PANK2: variants seen among roughly 807,000 people sequenced by gnomAD.
PANK2 encodes pantothenate kinase 2, mitochondrial.
Under a neutral mutation model 43.1 loss-of-function variants are expected in PANK2, and 36 were observed. The observed-to-expected ratio is 0.84, with a 90% CI of 0.64 to 1.10. The LOEUF is 1.10. Ranked by LOEUF, PANK2 falls within the 50% of genes least tolerant of loss-of-function variation. The pLI is 0.00. For synonymous variants in PANK2, 281 were observed against 238.2 expected (o/e 1.18, Z -1.66); for missense variants, 576 against 593.3 (o/e 0.97, Z 0.30).
chr20:3,899,719 T>C (rs948663935), intron 1 of PANK2, among the ~76,000 whole-genome samples: 2 of 146,512 alleles, frequency 1.4e-5, no homozygotes, highest in Non-Finnish European at 1.5e-5. Flanking sequence ...TTTTTTTTTT[T>C]TTTTTTGAGA....
chr20:3,912,468 G>A lies in PANK2; in HGVS notation c.916G>A (p.Gly306Arg). The change falls in exon 4 of 7, where the codon GGA becomes AGA. Residue 306 changes from glycine to arginine, a missense_variant. By Grantham distance (125) the Gly-to-Arg change is moderately radical. Around this residue, in one of 2 missense-constraint regions of PANK2, gnomAD observed 544 missense variants for 528.9 expected, o/e 1.03. Coordinates refer to ENST00000610179, the MANE Select transcript of PANK2 (RefSeq NM_001386393.1). ...TGTTTTTAATCATAGTCTTGGAGGAGGAACTTTTTTTGGTCTCTGCTGTCT... is the reference window on the plus strand; with the variant it reads ...TGTTTTTAATCATAGTCTTGGAGGAAGAACTTTTTTTGGTCTCTGCTGTCT... 6.2e-7 allele frequency: 1 copy of A among 1,614,068 alleles called. No homozygotes were observed. The highest frequency in any genetic ancestry group is 8.5e-7 in the Non-Finnish European group (1 of 1,180,012).
intron 4 of PANK2, among the ~76,000 whole-genome samples, chr20:3,914,085 G>C (rs6107373): frequency 1.3e-5 from 2 of 150,824 alleles, no homozygotes; most frequent in Non-Finnish European, 3.0e-5. Context: ...CACTGCGCCT[G>C]GCCTGCACAT....
chr20:3,906,676 C>A (rs908156194), intron 1 of PANK2, among the ~76,000 whole-genome samples: 1 of 151,976 alleles, frequency 6.6e-6, no homozygotes, highest in African/African-American at 2.4e-5. Flanking sequence ...ACAATAAATA[C>A]TTGAAGTAGA....
chr20:3,905,382 G>A (rs1161145726), intron 1 of PANK2, among the ~76,000 whole-genome samples: 2 of 138,222 alleles, frequency 1.4e-5, no homozygotes, highest in African/African-American at 2.8e-5. Flanking sequence ...ACGGAGTCTC[G>A]CTCTGTCACC....
chr20:3,889,859 C>A, intron 1 of PANK2, 131 bp downstream of exon 1: 1 of 1,530,640 alleles, frequency 6.5e-7, no homozygotes, highest in Non-Finnish European at 8.7e-7. Context: ...CTCGTTGGTG[C>A]GTGGCCTGAC....
At chr20:3,890,184 A>T (rs902034661) in intron 1 of PANK2, among the ~76,000 whole-genome samples, 6 of 152,118 alleles carry the variant, frequency 3.9e-5, no homozygotes, top group African/African-American at 1.4e-4. Flanking sequence ...TTACTGGAAA[A>T]TGGTGAACTG....
intron 6 of PANK2, among the ~76,000 whole-genome samples, chr20:3,922,799 A>G (rs556394777): frequency 4.0e-4 from 61 of 150,638 alleles, no homozygotes; most frequent in African/African-American, 1.5e-3. Flanking sequence ...TCGGGCTCTC[A>G]CCCTCTGTGA....
At chr20:3,904,250 C>T (rs144132423) in intron 1 of PANK2, among the ~76,000 whole-genome samples, 243 of 152,018 alleles carry the variant, frequency 1.6e-3, no homozygotes, top group African/African-American at 5.5e-3. Context: ...TTCTTTCCCA[C>T]AATTAGGAAA....
chr20:3,923,102 T>A (rs984033954), intron 6 of PANK2, 142 bp from the exon 7 acceptor site: 2 of 913,798 alleles, frequency 2.2e-6, no homozygotes, highest in Admixed American at 3.4e-5. Flanking sequence ...GCTCCCAGGC[T>A]GGCCTTGGCC....
Position 3,923,317 on chromosome 20 carries a change from T to C in PANK2, c.*23T>C. ...TGATCATTACCTGGGGAGGGGTTCC[T>C]GAAACCTTCCACAATGGGATCTGTG... On this transcript the variant is annotated 3_prime_UTR_variant, in exon 7 of 7. Coordinates refer to ENST00000610179, the MANE Select transcript of PANK2 (RefSeq NM_001386393.1). 1 of 1,612,882 alleles carries C rather than the reference T, an allele frequency of 6.2e-7. No homozygotes were observed. The highest frequency in any genetic ancestry group is 8.5e-7 in the Non-Finnish European group (1 of 1,178,838).
rs1043131691 is a variant in PANK2 at position 3,905,375 on chromosome 20, G to C, written c.299-2551G>C. 1.1e-3 allele frequency among the ~76,000 whole-genome samples: 160 copies of C among 147,984 alleles called. 1 individual carries two copies. Among genetic ancestry groups the C allele is most frequent in the Non-Finnish European group, 1.5e-4 (10 of 67,312 alleles). ...CTTTTTTTTTTTTTTTTTTGAGACG[G>C]AGTCTCGCTCTGTCACCTAGGCTGG... On this transcript the variant is annotated intron_variant, in intron 1 of 6. Transcript: ENST00000610179.
At chr20:3,921,474 A>C (rs2090646091) in intron 6 of PANK2, 1 of 150,024 alleles carries the variant, frequency 6.7e-6, no homozygotes, top group African/African-American at 2.5e-5. Context: ...TCTTCAGTGG[A>C]CCCCCCCCAT....
intron 1 of PANK2, among the ~76,000 whole-genome samples, chr20:3,893,222 G>A (rs905091175): frequency 2.0e-5 from 3 of 152,090 alleles, no homozygotes; most frequent in Admixed American, 1.3e-4. Flanking sequence ...ATGGAGTTGG[G>A]TTTTGATTCC....
At chr20:3,894,873 A>G (rs2090179868) in intron 1 of PANK2, among the ~76,000 whole-genome samples, 5 of 152,218 alleles carry the variant, frequency 3.3e-5, no homozygotes, top group Admixed American at 3.3e-4. Context: ...ACAGTATATT[A>G]CTTTAGGGGC....
chr20:3,907,340 C>G (rs1269560600), intron 1 of PANK2, among the ~76,000 whole-genome samples: 1 of 152,034 alleles, frequency 6.6e-6, no homozygotes, highest in Non-Finnish European at 1.5e-5. Flanking sequence ...CTCAGGTGAT[C>G]CACCCACCTT....
intron 4 of PANK2, 60 bp from the exon 5 acceptor site, chr20:3,916,867 A>AC (rs2090568185): frequency 2.5e-6 from 4 of 1,609,102 alleles, no homozygotes; most frequent in Non-Finnish European, 3.4e-6. Flanking sequence ...GTAACATTCA[A>AC]GTTCTGTTGG....
intron 6 of PANK2, among the ~76,000 whole-genome samples, chr20:3,919,943 A>C (rs1160718926): frequency 6.6e-6 from 1 of 152,238 alleles, no homozygotes; most frequent in Non-Finnish European, 1.5e-5. Context: ...TCCAAAGTAC[A>C]CAAATCCCCA....
chr20:3,914,863 G>A (rs1348792111), intron 4 of PANK2, among the ~76,000 whole-genome samples: 1 of 152,128 alleles, frequency 6.6e-6, no homozygotes, highest in Non-Finnish European at 1.5e-5. Flanking sequence ...ACCCACCTTG[G>A]CCTCCCAAAG....
In PANK2 at chr20:3,924,153, G is replaced by GGGAGGTGAGTCTCAGAAGACTGCC. The variant is rs1293597968; in HGVS notation, c.*860_*883dup. 1.3e-5 allele frequency: 2 copies of GGGAGGTGAGTCTCAGAAGACTGCC among 152,420 alleles called. No individual in the cohort carries two copies. Among genetic ancestry groups the GGGAGGTGAGTCTCAGAAGACTGCC allele is most frequent in the Non-Finnish European group, 2.9e-5 (2 of 68,190 alleles). The allele number at this position is 152,420 out of a possible 1,614,324, so 9.4% of individuals were successfully genotyped here. The stretch of plus-strand genomic sequence containing the variant: ...GGTCCTTCAGGGCACTGTGGCACTT[G>GGGAGGTGAGTCTCAGAAGACTGCC]GGAGGTGAGTCTCAGAAGACTGCCT... On this transcript the variant is annotated 3_prime_UTR_variant, in exon 7 of 7. Coordinates refer to ENST00000610179, the MANE Select transcript of PANK2 (RefSeq NM_001386393.1).
Sources: allele counts gnomAD v4.1 joint callset (sites outside exome capture counted in the v4.1 genomes callset), GRCh38; gene constraint gnomAD v4.1.1; regional missense constraint gnomAD v4.1.1; transcripts MANE v1.5; gene names NCBI Gene and HGNC (gene_info 2026-07-23, HGNC 2026-07-21).